The following PISD variants were observed in gnomAD, a reference collection of about 807,000 sequenced individuals.
The protein encoded by PISD is phosphatidylserine decarboxylase, also known as phosphatidylserine decarboxylase proenzyme, mitochondrial.
PISD carries 31 observed loss-of-function variants against 43.5 expected under a neutral mutation model. The ratio of observed to expected loss-of-function variants is 0.71; its 90% CI spans 0.54 to 0.96. The LOEUF is 0.96. Ranked by LOEUF, PISD falls within the 40% of genes least tolerant of loss-of-function variation. PISD has a pLI of 0.00. For synonymous variants in PISD, 259 were observed against 228.7 expected (o/e 1.13, Z -1.20); for missense variants, 523 against 548.4 (o/e 0.95, Z 0.46).
chr22:31,634,314 G>C (rs548897192), intron 3 of PISD, among the ~76,000 whole-genome samples: 2 of 152,226 alleles, frequency 1.3e-5, no homozygotes, highest in African/African-American at 4.8e-5. Context: ...CCTCCCCAAC[G>C]TCTGGGCAGA....
intron 3 of PISD, chr22:31,625,977 A>G: frequency 6.9e-7 from 1 of 1,449,882 alleles, no homozygotes; most frequent in South Asian, 1.4e-5. Flanking sequence ...GGTTTGGTTC[A>G]GTCTCGGTGG....
At chr22:31,640,044 C>T (rs760584493) in intron 3 of PISD, among the ~76,000 whole-genome samples, 17 of 152,132 alleles carry the variant, frequency 1.1e-4, no homozygotes, top group Non-Finnish European at 2.1e-4. Flanking sequence ...CAGGTTGAAT[C>T]AGGGACTCAA....
At chr22:31,647,648 C>T (rs1009170398) in intron 3 of PISD, among the ~76,000 whole-genome samples, 1 of 152,174 alleles carries the variant, frequency 6.6e-6, no homozygotes, top group African/African-American at 2.4e-5. Context: ...CATTCCGTAA[C>T]AATGCAGGCT....
intron 3 of PISD, among the ~76,000 whole-genome samples, chr22:31,640,199 CTTTT>C (rs35782790): frequency 7.2e-6 from 1 of 139,370 alleles, no homozygotes; most frequent in Non-Finnish European, 1.5e-5. Context: ...TTTCAAGCTA[CTTTT>C]TTTTTTTTTT....
chr22:31,660,553 G>C (rs771262294), intron 1 of PISD, among the ~76,000 whole-genome samples: 1 of 152,126 alleles, frequency 6.6e-6, no homozygotes, highest in African/African-American at 2.4e-5. Flanking sequence ...AGCTACTCAG[G>C]AGGCTGAGGT....
At chr22:31,660,038 C>T (rs2074277322) in intron 1 of PISD, among the ~76,000 whole-genome samples, 1 of 152,130 alleles carries the variant, frequency 6.6e-6, no homozygotes, top group African/African-American at 2.4e-5. Flanking sequence ...AAGATGTTAT[C>T]TATCACCTGT....
chr22:31,618,502 ATTTTT>A lies in PISD; in HGVS notation c.*1105_*1109del. The A allele has an allele frequency of 7.8e-7, 1 of 1,280,876 alleles. No homozygotes were observed. The highest frequency in any genetic ancestry group is 1.5e-5 in the African/African-American group (1 of 66,432). The allele number at this position is 1,280,876 out of a possible 1,614,324, so 79.3% of individuals were successfully genotyped here. On this transcript the variant is annotated 3_prime_UTR_variant, in exon 8 of 8. Coordinates refer to ENST00000439502, the MANE Select transcript of PISD (RefSeq NM_001326411.2). ...GGAACAGAACACAGTTTTAAGTTTG[ATTTTT>A]TTTATTTCAAAATGCTTTGCAATTA... is the stretch of plus-strand genomic sequence containing the variant.
intron 1 of PISD, among the ~76,000 whole-genome samples, chr22:31,655,479 C>T (rs1438520275): frequency 6.6e-6 from 1 of 152,240 alleles, no homozygotes; most frequent in East Asian, 1.9e-4. Flanking sequence ...GCACACTTAG[C>T]TAATTTTTAA....
chr22:31,660,689 T>G (rs2074291523), intron 1 of PISD, among the ~76,000 whole-genome samples: 1 of 152,134 alleles, frequency 6.6e-6, no homozygotes, highest in South Asian at 2.1e-4. Flanking sequence ...AAAAACAATT[T>G]TTTAAGAGTC....
At chr22:31,646,546 T>G (rs1162716528) in intron 3 of PISD, among the ~76,000 whole-genome samples, 1 of 152,170 alleles carries the variant, frequency 6.6e-6, no homozygotes, top group Non-Finnish European at 1.5e-5. Flanking sequence ...TCTTCCAAAT[T>G]TATATTCTTT....
Position 31,619,573 on chromosome 22 carries a change from G to T in PISD, c.*39C>A. 2 of 1,549,356 alleles carry T rather than the reference G, an allele frequency of 1.3e-6. No individual in the cohort carries two copies. Among genetic ancestry groups the T allele is most frequent in the Non-Finnish European group, 1.8e-6 (2 of 1,122,404 alleles). On this transcript the variant is annotated 3_prime_UTR_variant, in exon 8 of 8. Coordinates refer to ENST00000439502, the MANE Select transcript of PISD (RefSeq NM_001326411.2). Reference sequence around the variant, plus strand: ...TCTTGAAAAGACCCTCACTCTGTTTGGAAAAGATCCCTTAGCAGCCATAAT... The same window carrying T: ...TCTTGAAAAGACCCTCACTCTGTTTTGAAAAGATCCCTTAGCAGCCATAAT...
rs2073553854 is a variant in PISD, at chr22:31,637,712, T to C, written c.321+10389A>G. Among the ~76,000 whole-genome samples the C allele has an allele frequency of 3.3e-5, 5 of 152,168 alleles. No homozygotes were observed. In the South Asian group the frequency reaches 1.0e-3, roughly 31 times the overall value. ...CATCTCTGCTTTTGTGAAAGCACAA[T>C]TCTCTTCCCATGCTGACTCAGTCTG... On this transcript the variant is annotated intron_variant, in intron 3 of 7. Coordinates refer to ENST00000439502, the MANE Select transcript of PISD (RefSeq NM_001326411.2).
intron 3 of PISD, among the ~76,000 whole-genome samples, chr22:31,626,988 G>C (rs2147664282): frequency 6.6e-6 from 1 of 152,378 alleles, no homozygotes; most frequent in East Asian, 1.9e-4. Context: ...CCCGCCATGA[G>C]GCCTAACTCA....
chr22:31,622,884 C>T (rs957297107), intron 3 of PISD, among the ~76,000 whole-genome samples: 1 of 152,244 alleles, frequency 6.6e-6, no homozygotes, highest in Non-Finnish European at 1.5e-5. Context: ...AACCAAGACA[C>T]CAACTCCCCA....
At chr22:31,650,921 A>C in intron 1 of PISD, 143 bp from the exon 2 acceptor site, 1 of 530,460 alleles carries the variant, frequency 1.9e-6, no homozygotes, top group Non-Finnish European at 3.3e-6. Context: ...AGATAAGAAA[A>C]TGTCCTTGTA....
At chr22:31,626,158 G>A (rs1168635146) in intron 3 of PISD, 10 of 718,124 alleles carry the variant, frequency 1.4e-5, no homozygotes, top group Non-Finnish European at 1.8e-5. Context: ...CCAGGGCTGA[G>A]CCAGCCTGCA....
intron 3 of PISD, among the ~76,000 whole-genome samples, chr22:31,643,028 G>A (rs2073781993): frequency 6.6e-6 from 1 of 151,462 alleles, no homozygotes; most frequent in Non-Finnish European, 1.5e-5. Flanking sequence ...CTTGAACCCG[G>A]GAGGCGGAAG....
intron 3 of PISD, among the ~76,000 whole-genome samples, chr22:31,631,452 A>C (rs1368571222): frequency 6.6e-6 from 1 of 152,098 alleles, no homozygotes; most frequent in Non-Finnish European, 1.5e-5. Flanking sequence ...GAATGCCCTG[A>C]CTCCAAAACT....
intron 3 of PISD, chr22:31,625,954 G>T: frequency 6.7e-7 from 1 of 1,485,526 alleles, no homozygotes. Flanking sequence ...CTGGTTGGTG[G>T]CGCCGCTTCC....
Sources: gnomAD v4.1 joint callset for allele counts (sites outside exome capture counted in the v4.1 genomes callset) on GRCh38, gnomAD v4.1.1 for gene constraint, MANE v1.5 for transcripts, NCBI Gene and HGNC (gene_info 2026-07-23, HGNC 2026-07-21) for gene names.